The following RPS6KA3 variants were observed in gnomAD, a reference collection of about 807,000 sequenced individuals.
RPS6KA3 encodes ribosomal protein S6 kinase A3.
A neutral mutation model predicts 67.2 loss-of-function variants in RPS6KA3; 4 were observed. The ratio of observed to expected loss-of-function variants is 0.06; its 90% CI spans 0.03 to 0.14. The LOEUF is 0.14. Ranked by LOEUF, RPS6KA3 falls within the 10% of genes least tolerant of loss-of-function variation. The probability of loss-of-function intolerance (pLI) is 1.00; values close to 1 mark genes in which losing one functional copy is unlikely to be tolerated. For synonymous variants in RPS6KA3, 182 were observed against 183.7 expected, an observed-to-expected ratio of 0.99 and a Z score of 0.07; for missense variants, 204 against 559.0, an observed-to-expected ratio of 0.36 and a Z score of 6.40.
chrX:20,178,244 C>T (rs2067748247), intron 10 of RPS6KA3, among the ~76,000 whole-genome samples: 1 of 111,188 alleles, frequency 9.0e-6, no homozygotes, highest in Non-Finnish European at 1.9e-5. Flanking sequence ...TTTAATTTAA[C>T]ATGGGAGATT....
In RPS6KA3 at chrX:20,204,022, C is replaced by T; in HGVS notation, c.325G>A (p.Val109Ile). ...CATTACAAATAGCAGCAACACTTAC[C>T]TTTCAGTGTGGCCTTCTTCAATACC... is the stretch of plus-strand genomic sequence containing the variant. The part of the protein sequence containing the change: ...MKVLKKATLK[V>I]RDRVRTKMER... The change falls in exon 4 of 22, where the codon GTT (valine) becomes ATT (isoleucine). Residue 109 changes from valine (V) to isoleucine (I), a missense_variant and splice_region_variant. Coordinates refer to ENST00000379565, the MANE Select transcript of RPS6KA3 (RefSeq NM_004586.3). 1 of 1,192,783 alleles carries T rather than the reference C, an allele frequency of 8.4e-7. No homozygotes were observed. Among genetic ancestry groups the T allele is most frequent in the Non-Finnish European group, 1.1e-6 (1 of 878,145 alleles).
intron 10 of RPS6KA3, among the ~76,000 whole-genome samples, chrX:20,182,836 C>T (rs1272254802): frequency 9.0e-6 from 1 of 111,446 alleles, no homozygotes; most frequent in African/African-American, 3.3e-5. Flanking sequence ...ATAAAAGTTG[C>T]CACTGCTTCA....
intron 7 of RPS6KA3, among the ~76,000 whole-genome samples, chrX:20,192,408 GAA>G: frequency 1.1e-5 from 1 of 92,139 alleles, no homozygotes; most frequent in African/African-American, 3.9e-5. Flanking sequence ...GGAGCTAAAA[GAA>G]AAAAAAAAAG....
intron 2 of RPS6KA3, among the ~76,000 whole-genome samples, chrX:20,209,728 T>C (rs2068662005): frequency 8.9e-6 from 1 of 111,826 alleles, no homozygotes; most frequent in African/African-American, 3.3e-5. Flanking sequence ...ATAATTAGAA[T>C]AGTTTTATTG....
chrX:20,261,078 C>T (rs2070213576), intron 1 of RPS6KA3, among the ~76,000 whole-genome samples: 1 of 109,744 alleles, frequency 9.1e-6, no homozygotes, highest in Non-Finnish European at 1.9e-5. Flanking sequence ...TTCTTACTCA[C>T]ACGTGGGACT....
intron 15 of RPS6KA3, among the ~76,000 whole-genome samples, chrX:20,172,172 AAG>A (rs2067589221): frequency 8.9e-6 from 1 of 112,425 alleles, no homozygotes; most frequent in African/African-American, 3.2e-5. Context: ...AAGAAGTGAA[AAG>A]AGACTTGAAC....
chrX:20,182,059 T>C (rs1207699453), intron 10 of RPS6KA3, among the ~76,000 whole-genome samples: 2 of 111,505 alleles, frequency 1.8e-5, no homozygotes, highest in Middle Eastern at 4.6e-3. Flanking sequence ...ACCTTTTATA[T>C]TGTGTAGAAT....
chrX:20,189,592 T>G (rs2068073179), intron 7 of RPS6KA3, among the ~76,000 whole-genome samples: 1 of 112,120 alleles, frequency 8.9e-6, no homozygotes, highest in Admixed American at 9.5e-5. Flanking sequence ...TACTAAGCTG[T>G]AAGCCAATAA....
intron 2 of RPS6KA3, 66 bp from the exon 3 acceptor site, chrX:20,209,470 A>G (rs2068655122): frequency 1.7e-6 from 1 of 576,779 alleles, no homozygotes; most frequent in South Asian, 2.4e-5. Context: ...GCTAAAAATC[A>G]AACAATATTA....
At chrX:20,244,002 G>C (rs1366450460) in intron 1 of RPS6KA3, among the ~76,000 whole-genome samples, 1 of 111,492 alleles carries the variant, frequency 9.0e-6, no homozygotes, top group African/African-American at 3.3e-5. Context: ...ATGCCTTGGA[G>C]AATATAACAT....
At chrX:20,193,415 G>A (rs753990350) in intron 7 of RPS6KA3, 72 bp downstream of exon 7, 639 of 618,086 alleles carry the variant, frequency 1.0e-3, no homozygotes, top group Non-Finnish European at 1.5e-3. Flanking sequence ...GTTTCATGAA[G>A]CCACTTGATT....
intron 2 of RPS6KA3, among the ~76,000 whole-genome samples, chrX:20,223,199 A>T (rs1262845326): frequency 9.0e-6 from 1 of 111,713 alleles, no homozygotes; most frequent in African/African-American, 3.2e-5. Flanking sequence ...GGATTTTTGC[A>T]TTTATATTCA....
At chrX:20,204,702 A>T (rs2068532127) in intron 3 of RPS6KA3, among the ~76,000 whole-genome samples, 1 of 111,811 alleles carries the variant, frequency 8.9e-6, no homozygotes, top group Non-Finnish European at 1.9e-5. Context: ...GGAGTTCGAG[A>T]CCAGCCTGAC....
rs1006579075 is a variant in RPS6KA3 at position 20,245,246 on chromosome X, T to G, written c.70-10432A>C. ...ACGATCTTCTATAAAACTTTAAGGA[T>G]TAAAGTTTTAGATTAAGGTTATTTA... On this transcript the variant is annotated intron_variant, in intron 1 of 21. Coordinates refer to ENST00000379565, the MANE Select transcript of RPS6KA3 (RefSeq NM_004586.3). 2.7e-5 allele frequency among the ~76,000 whole-genome samples: 3 copies of G among 112,166 alleles called. No individual in the cohort carries two copies. In the East Asian group the frequency reaches 8.4e-4, roughly 31 times the overall value.
Position 20,266,843 on chromosome X carries a change from C to G in RPS6KA3, c.-211G>C. Reference sequence around the variant, plus strand: ...GACCGCCCGAAAGCCGCGCGCCTGGCCAGAGACGCCCGCGCGCTGAGCGAG... The same window carrying G: ...GACCGCCCGAAAGCCGCGCGCCTGGGCAGAGACGCCCGCGCGCTGAGCGAG... On this transcript the variant is annotated 5_prime_UTR_variant, in exon 1 of 22. Coordinates refer to ENST00000379565, the MANE Select transcript of RPS6KA3 (RefSeq NM_004586.3). 2.5e-6 allele frequency: 1 copy of G among 395,208 alleles called. No individual in the cohort carries two copies. The highest frequency in any genetic ancestry group is 3.2e-6 in the Non-Finnish European group (1 of 310,890). 32.6% of individuals were successfully genotyped at this position (395,208 alleles called of 1,213,427 possible). A position where few individuals can be genotyped will look rare whatever the true frequency, so the allele number is the denominator to read the frequency against.
chrX:20,165,101 T>C (rs776349858), intron 17 of RPS6KA3, 41 bp from the exon 18 acceptor site: 2 of 1,034,508 alleles, frequency 1.9e-6, no homozygotes, highest in Non-Finnish European at 2.7e-6. Context: ...TAACAATATA[T>C]TTCCATTACT....
At chrX:20,224,746 G>A (rs762637897) in intron 2 of RPS6KA3, among the ~76,000 whole-genome samples, 3 of 111,225 alleles carry the variant, frequency 2.7e-5, no homozygotes, top group Non-Finnish European at 5.7e-5. Context: ...AGCACTGAGC[G>A]GGATTTCCTA....
intron 2 of RPS6KA3, among the ~76,000 whole-genome samples, chrX:20,225,963 A>G (rs953546664): frequency 9.0e-6 from 1 of 111,473 alleles, no homozygotes; most frequent in African/African-American, 3.3e-5. Flanking sequence ...AGGCAGGTGG[A>G]TTACTTGAGG....
At chrX:20,163,793 C>T (rs1309027725) in intron 18 of RPS6KA3, among the ~76,000 whole-genome samples, 2 of 111,030 alleles carry the variant, frequency 1.8e-5, no homozygotes, top group Non-Finnish European at 3.8e-5. Context: ...CTCAGGCTCC[C>T]GAGCAGCTGG....
Sources: gnomAD v4.1 joint callset for allele counts (sites outside exome capture counted in the v4.1 genomes callset) on GRCh38, gnomAD v4.1.1 for gene constraint, MANE v1.5 for transcripts, NCBI Gene and HGNC (gene_info 2026-07-23, HGNC 2026-07-21) for gene names.